ETAA1: variants seen among roughly 807,000 people sequenced by gnomAD.
ETAA1 encodes ETAA1 activator of ATR kinase, also known as ewing's tumor-associated antigen 1.
A neutral mutation model predicts 76.8 loss-of-function variants in ETAA1; 49 were observed. The ratio of observed to expected loss-of-function variants is 0.64; its 90% CI spans 0.51 to 0.81. The LOEUF (loss-of-function observed/expected upper bound fraction) is 0.81, where lower values mean the gene tolerates loss of function less well. Among genes scored for constraint, ETAA1 ranks in the 30% least tolerant of loss-of-function variants. The pLI, the probability that ETAA1 is intolerant of heterozygous loss-of-function variation, is 0.00. For synonymous variants in ETAA1, 373 were observed against 372.2 expected, an observed-to-expected ratio of 1.00 and a Z score of -0.03; for missense variants, 1,099 against 1,074.0, an observed-to-expected ratio of 1.02 and a Z score of -0.32.
rs1676101295 is a variant in ETAA1, at chr2:67,403,148, A to T, written c.543-77A>T. 2.6e-6 allele frequency: 3 copies of T among 1,162,640 alleles called. No individual in the cohort carries two copies. In the South Asian group the frequency reaches 5.3e-5, roughly 21 times the overall value. 72.0% of individuals were successfully genotyped at this position (1,162,640 alleles called of 1,614,324 possible). A position where few individuals can be genotyped will look rare whatever the true frequency, so the allele number is the denominator to read the frequency against. On this transcript the variant is annotated intron_variant, in intron 4 of 5. Coordinates refer to ENST00000272342, the MANE Select transcript of ETAA1 (RefSeq NM_019002.4). ...TAACTGTTAAAATCTTAGAGCTTTA[A>T]CATCAAAATATGTTAAATAACAGTT...
intron 3 of ETAA1, among the ~76,000 whole-genome samples, chr2:67,399,898 T>C (rs1341538196): frequency 8.5e-6 from 1 of 118,020 alleles, no homozygotes; most frequent in African/African-American, 3.3e-5. Flanking sequence ...ATCTGTAATG[T>C]TGTGCTTAAC....
chr2:67,409,193 T>C (rs1676299125), intron 5 of ETAA1, among the ~76,000 whole-genome samples: 1 of 152,164 alleles, frequency 6.6e-6, no homozygotes, highest in Admixed American at 6.5e-5. Flanking sequence ...TATACTTAAA[T>C]ATGTATTAGG....
chr2:67,404,525 G>C lies in ETAA1; in HGVS notation c.1843G>C (p.Asp615His). 6.2e-7 allele frequency: 1 copy of C among 1,613,382 alleles called. No individual in the cohort carries two copies. The highest frequency in any genetic ancestry group is 8.5e-7 in the Non-Finnish European group (1 of 1,179,552). ...TGATGATTTGTTGTACCAAGCATGT[G>C]ATGATATTGAAAGACTAACTCAGCA... The part of the protein sequence containing the change: ...VDDDLLYQAC[D>H]DIERLTQQQD... The change falls in exon 5 of 6, where the codon GAT becomes CAT. Residue 615 changes from aspartate (D) to histidine (H), a missense_variant. Physicochemically the swap from Asp to His is moderately conservative, Grantham distance 81 (BLOSUM62 -1). Transcript: ENST00000272342.
rs1439577281 is a variant in ETAA1 at position 67,411,247 on chromosome 2, T to C, written c.*1209T>C. The C allele has an allele frequency of 6.6e-6, 1 of 152,074 alleles. No homozygotes were observed. Among genetic ancestry groups the C allele is most frequent in the Non-Finnish European group, 1.5e-5 (1 of 67,982 alleles). The allele number at this position is 152,074 out of a possible 1,614,324, so 9.4% of individuals were successfully genotyped here. A position where few individuals can be genotyped will look rare whatever the true frequency, so the allele number is the denominator to read the frequency against. Reference sequence around the variant, plus strand: ...TAGGAGATCTAGAGAAAGTTAGAGATATGAAACACCTGTCATGGTGTGGCA... The same window carrying C: ...TAGGAGATCTAGAGAAAGTTAGAGACATGAAACACCTGTCATGGTGTGGCA... On this transcript the variant is annotated 3_prime_UTR_variant, in exon 6 of 6. Coordinates refer to ENST00000272342, the MANE Select transcript of ETAA1 (RefSeq NM_019002.4).
chr2:67,405,268 A>G lies in ETAA1; in HGVS notation c.2586A>G (p.Leu862=), dbSNP rs534994738. ...AGAAAAAGAAAGGTGTCAACCCATTACTGGAGGAAGCTGTTGGACAGCAAT... is the reference window on the plus strand; with the variant it reads ...AGAAAAAGAAAGGTGTCAACCCATTGCTGGAGGAAGCTGTTGGACAGCAAT... ...GVEKKKGVNP[L]LEEAVGQQSL... is the part of the protein sequence containing the mutation. Residue 862 remains leucine (L), a synonymous_variant, in exon 5 of 6, where the codon TTA becomes TTG. Transcript: ENST00000272342. The G allele has an allele frequency of 2.5e-6, 4 of 1,599,942 alleles. No individual in the cohort carries two copies. The African/African-American group carries it at 5.4e-5, about 22-fold the overall frequency.
At chr2:67,402,768 G>T in intron 3 of ETAA1, 94 bp from the exon 4 acceptor site, 1 of 774,738 alleles carries the variant, frequency 1.3e-6, no homozygotes, top group Non-Finnish European at 1.9e-6. Context: ...AAAATCATTA[G>T]TTTTTATTGT....
chr2:67,403,174 G>T, intron 4 of ETAA1, 51 bp from the exon 5 acceptor site: 1 of 1,273,446 alleles, frequency 7.9e-7, no homozygotes, highest in Non-Finnish European at 1.1e-6. Context: ...AATAACAGTT[G>T]GATATAATGT....
chr2:67,400,121 G>A (rs987072308), intron 3 of ETAA1, among the ~76,000 whole-genome samples: 1 of 152,116 alleles, frequency 6.6e-6, no homozygotes, highest in Non-Finnish European at 1.5e-5. Context: ...AACCTCCTAT[G>A]CTGTGTGACC....
At chr2:67,408,687 C>CTA (rs1422162008) in intron 5 of ETAA1, among the ~76,000 whole-genome samples, 4 of 152,084 alleles carry the variant, frequency 2.6e-5, no homozygotes, top group African/African-American at 7.2e-5. Flanking sequence ...GGATGAGTCC[C>CTA]TAAATCAAAT....
rs1314452614 is a variant in ETAA1 at position 67,411,834 on chromosome 2, C to G, written c.*1796C>G. ...AAAATAAAGAGCTGAGAATCTTTTA[C>G]TAAAAGTGGCTTCACTGTGTTCTGA... is the stretch of plus-strand genomic sequence containing the variant. On this transcript the variant is annotated 3_prime_UTR_variant, in exon 6 of 6. Transcript: ENST00000272342. The G allele has an allele frequency of 6.6e-6, 1 of 151,688 alleles. No homozygotes were observed. Among genetic ancestry groups the G allele is most frequent in the African/African-American group, 2.4e-5 (1 of 41,114 alleles). The allele number at this position is 151,688 out of a possible 1,614,324, so 9.4% of individuals were successfully genotyped here.
At position 67,402,977 on chromosome 2, in the gene ETAA1, AAGTT is replaced by A. The variant is rs2103748138; in HGVS notation, c.542+5_542+8del. The A allele has an allele frequency of 6.3e-7, 1 of 1,582,580 alleles. No individual in the cohort carries two copies. Among genetic ancestry groups the A allele is most frequent in the East Asian group, 2.3e-5 (1 of 43,974 alleles). ...AGAGCAAAAATCAGCTGCACAAAGT[AAGTT>A]AAGACTTTTCAGCTTTTCTGAAATT... On this transcript the variant is annotated splice_donor_5th_base_variant and intron_variant, in intron 4 of 5. Coordinates refer to ENST00000272342, the MANE Select transcript of ETAA1 (RefSeq NM_019002.4).
chr2:67,403,830 G>A lies in ETAA1; in HGVS notation c.1148G>A (p.Trp383Ter). The change falls in exon 5 of 6, where the codon TGG becomes TAG. Residue 383 changes from tryptophan (W) to a stop codon, truncating the protein, a stop_gained. Transcript: ENST00000272342. LOFTEE classifies it high-confidence loss of function. ...AFTTSDFEDDWENLLGSEPFA... is the reference protein window; with the variant it reads ...AFTTSDFEDD ...ACTACAAGTGATTTTGAGGATGATT[G>A]GGAAAACTTACTAGGTAGTGAACCT... 6.2e-7 allele frequency: 1 copy of A among 1,613,258 alleles called. No homozygotes were observed. Among genetic ancestry groups the A allele is most frequent in the East Asian group, 2.2e-5 (1 of 44,842 alleles).
In ETAA1 at chr2:67,410,915, A is replaced by G. The variant is rs1676355508; in HGVS notation, c.*877A>G. The G allele has an allele frequency of 6.6e-6, 1 of 152,114 alleles. No individual in the cohort carries two copies. Among genetic ancestry groups the G allele is most frequent in the South Asian group, 2.1e-4 (1 of 4,832 alleles). The allele number at this position is 152,114 out of a possible 1,614,324, so 9.4% of individuals were successfully genotyped here. A position where few individuals can be genotyped will look rare whatever the true frequency, so the allele number is the denominator to read the frequency against. On this transcript the variant is annotated 3_prime_UTR_variant, in exon 6 of 6. Transcript: ENST00000272342. ...GAGGGAGTATTATTTTCTAGTATAA[A>G]ACAAAAGATGTAATTAAAAGCACAA... is the stretch of plus-strand genomic sequence containing the variant.
chr2:67,399,918 CAT>C (rs1676006420), intron 3 of ETAA1, among the ~76,000 whole-genome samples: 1 of 151,828 alleles, frequency 6.6e-6, no homozygotes, highest in Non-Finnish European at 1.5e-5. Flanking sequence ...CAACATACGA[CAT>C]CATTTTTCAA....
Position 67,397,664 on chromosome 2 carries a change from C to T in ETAA1, c.216C>T (p.Asn72=). ...CCGCCGCCCTGTGCAGTAAAAGTAA[C>T]CCCGAGGGTGAGACGTCGGCAGCGC... ...PPTAALCSKS[N]PEERYETPKR... Residue 72 remains asparagine (N), a synonymous_variant, in exon 1 of 6, where the codon AAC becomes AAT. Transcript: ENST00000272342. 6.5e-7 allele frequency: 1 copy of T among 1,546,396 alleles called. No homozygotes were observed. The highest frequency in any genetic ancestry group is 8.7e-7 in the Non-Finnish European group (1 of 1,146,542).
In ETAA1 at chr2:67,412,054, C is replaced by T. The variant is rs561725847; in HGVS notation, c.*2016C>T. 1 of 152,016 alleles carries T rather than the reference C, an allele frequency of 6.6e-6. No homozygotes were observed. The highest frequency in any genetic ancestry group is 1.5e-5 in the Non-Finnish European group (1 of 67,932). The allele number at this position is 152,016 out of a possible 1,614,324, so 9.4% of individuals were successfully genotyped here. A position where few individuals can be genotyped will look rare whatever the true frequency, so the allele number is the denominator to read the frequency against. Reference sequence around the variant, plus strand: ...TAATGGTACTAATTATTGTGTCTTTCATTGAGCAATACTATAATGCCTTTA... The same window carrying T: ...TAATGGTACTAATTATTGTGTCTTTTATTGAGCAATACTATAATGCCTTTA... On this transcript the variant is annotated 3_prime_UTR_variant, in exon 6 of 6. Coordinates refer to ENST00000272342, the MANE Select transcript of ETAA1 (RefSeq NM_019002.4).
rs765193930 is a variant in ETAA1 at position 67,403,398 on chromosome 2, C to T, written c.716C>T (p.Ser239Leu). 1.2e-6 allele frequency: 2 copies of T among 1,606,196 alleles called. No homozygotes were observed. Among genetic ancestry groups the T allele is most frequent in the East Asian group, 4.5e-5 (2 of 44,818 alleles). The change falls in exon 5 of 6, where the codon TCA (serine) becomes TTA (leucine). Residue 239 changes from serine to leucine, a missense_variant. Physicochemically the swap from Ser to Leu is moderately radical, Grantham distance 145 (BLOSUM62 -2). This residue lies in a region of ETAA1 where 761 missense variants were observed against 731.9 expected (regional missense o/e 1.04). Transcript: ENST00000272342. ...SNYKDNIQMW[S>L]LHNIVPEIDN... ...TATAAAGATAATATACAGATGTGGT[C>T]ATTACATAATATAGTTCCCGAAATA...
At chr2:67,399,143 T>TA in intron 1 of ETAA1, 26 bp from the exon 2 acceptor site, 1 of 1,596,468 alleles carries the variant, frequency 6.3e-7, no homozygotes, top group Middle Eastern at 1.7e-4. Flanking sequence ...ATGCAACAAT[T>TA]GTTATTTTAC....
At chr2:67,400,973 C>G (rs925545685) in intron 3 of ETAA1, 2 of 152,048 alleles carry the variant, frequency 1.3e-5, no homozygotes, top group African/African-American at 4.8e-5. Context: ...AGTACTTACT[C>G]TATAAGTTAA....
Sources: allele counts gnomAD v4.1 joint callset (sites outside exome capture counted in the v4.1 genomes callset), GRCh38; gene constraint gnomAD v4.1.1; regional missense constraint gnomAD v4.1.1; transcripts MANE v1.5; gene names NCBI Gene and HGNC (gene_info 2026-07-23, HGNC 2026-07-21).